Variants in EYS observed in about 807,000 individuals in gnomAD.
EYS encodes the protein EGF-like photoreceptor maintenance factor.
Under a neutral mutation model 282.1 loss-of-function variants are expected in EYS, and 250 were observed. The observed-to-expected ratio is 0.89, with a 90% CI of 0.80 to 0.98. The LOEUF is 0.98. EYS is among the 50% of genes least tolerant of loss of function. The probability of loss-of-function intolerance (pLI) is 0.00; values close to 1 mark genes in which losing one functional copy is unlikely to be tolerated. For synonymous variants in EYS, 1,355 were observed against 1,282.9 expected, an observed-to-expected ratio of 1.06 and a Z score of -1.20; for missense variants, 4,016 against 3,709.0, an observed-to-expected ratio of 1.08 and a Z score of -2.15.
At chr6:65,366,959 C>A (rs1258119221) in intron 8 of EYS, among the ~76,000 whole-genome samples, 1 of 151,592 alleles carries the variant, frequency 6.6e-6, no homozygotes, top group African/African-American at 2.4e-5. Context: ...TTAATAAGGA[C>A]CTCTGTGATT....
At chr6:65,537,523 C>CACAG (rs1768005785) in intron 2 of EYS, among the ~76,000 whole-genome samples, 1 of 126,728 alleles carries the variant, frequency 7.9e-6, no homozygotes, top group African/African-American at 3.2e-5. Context: ...AACATGCACA[C>CACAG]ACACACATAT....
chr6:64,932,130 G>A (rs191561519), intron 15 of EYS, among the ~76,000 whole-genome samples: 3 of 151,986 alleles, frequency 2.0e-5, no homozygotes, highest in Non-Finnish European at 2.9e-5. Flanking sequence ...AATCAGCTTC[G>A]TGGTTGTAAA....
chr6:65,456,776 C>T (rs887713070), intron 5 of EYS, among the ~76,000 whole-genome samples: 1 of 151,360 alleles, frequency 6.6e-6, no homozygotes, highest in Non-Finnish European at 1.5e-5. Flanking sequence ...CTAATTTCAC[C>T]ATTTCTATTC....
intron 34 of EYS, among the ~76,000 whole-genome samples, chr6:63,990,509 G>A (rs1767557570): frequency 6.6e-6 from 1 of 151,700 alleles, no homozygotes; most frequent in Non-Finnish European, 1.5e-5. Flanking sequence ...TCTTTGGGGA[G>A]CTGTTTGAGT....
At chr6:64,249,166 T>C (rs1259214182) in intron 30 of EYS, among the ~76,000 whole-genome samples, 1 of 151,748 alleles carries the variant, frequency 6.6e-6, no homozygotes, top group Non-Finnish European at 1.5e-5. Flanking sequence ...CATTAATAGA[T>C]TATTGGACAA....
intron 34 of EYS, among the ~76,000 whole-genome samples, chr6:63,989,020 A>C (rs1211514629): frequency 6.6e-6 from 1 of 151,600 alleles, no homozygotes; most frequent in Non-Finnish European, 1.5e-5. Context: ...AGTACTGCAT[A>C]TCTTTCTGTA....
chr6:64,782,484 C>T (rs1228202046), intron 22 of EYS, among the ~76,000 whole-genome samples: 2 of 152,180 alleles, frequency 1.3e-5, no homozygotes, highest in Non-Finnish European at 2.9e-5. Context: ...TAAGGACTGA[C>T]ACTAAAGTAA....
At chr6:65,194,231 G>T (rs1010813703) in intron 12 of EYS, among the ~76,000 whole-genome samples, 16 of 151,424 alleles carry the variant, frequency 1.1e-4, no homozygotes, top group Admixed American at 1.1e-3. Flanking sequence ...TTTTAAAAAA[G>T]AAAACAATCA....
At chr6:64,648,517 T>C (rs1219749984) in intron 22 of EYS, among the ~76,000 whole-genome samples, 1 of 152,158 alleles carries the variant, frequency 6.6e-6, no homozygotes, top group Non-Finnish European at 1.5e-5. Context: ...CACTACAATC[T>C]ATAGGTTAAA....
rs139265332 is a variant in EYS, at chr6:65,146,436, T to C, written c.2024-88709A>G. ...GTGAGAACAGGATGTGAATAAATCATGGAAATATTCTCATCATGGTTTCCT... is the reference window on the plus strand; with the variant it reads ...GTGAGAACAGGATGTGAATAAATCACGGAAATATTCTCATCATGGTTTCCT... On this transcript the variant is annotated intron_variant, in intron 12 of 42. Transcript: ENST00000503581. Among the ~76,000 whole-genome samples, 285 of 152,096 alleles carry C rather than the reference T, an allele frequency of 1.9e-3. 1 individual carries two copies. The highest frequency in any genetic ancestry group is 6.6e-3 in the African/African-American group (274 of 41,548).
intron 28 of EYS, among the ~76,000 whole-genome samples, chr6:64,399,842 C>T (rs1168899125): frequency 4.0e-5 from 6 of 151,842 alleles, no homozygotes; most frequent in Non-Finnish European, 7.4e-5. Context: ...TGTGTTAGTG[C>T]TGATGGAGTA....
chr6:65,488,009 T>G (rs577644643), intron 5 of EYS, among the ~76,000 whole-genome samples: 1 of 152,314 alleles, frequency 6.6e-6, no homozygotes, highest in Non-Finnish European at 1.5e-5. Flanking sequence ...TTCTGTGAGA[T>G]CGATGGTGAT....
chr6:65,619,104 A>G (rs371103373), intron 2 of EYS, among the ~76,000 whole-genome samples: 3 of 151,686 alleles, frequency 2.0e-5, no homozygotes, highest in Non-Finnish European at 2.9e-5. Flanking sequence ...GCATTGGTAG[A>G]TTGATTGGGA....
chr6:65,596,964 C>T (rs988938429), intron 2 of EYS, among the ~76,000 whole-genome samples: 2 of 151,990 alleles, frequency 1.3e-5, no homozygotes, highest in Non-Finnish European at 2.9e-5. Flanking sequence ...TGAGCTTCTG[C>T]TTTCAACAAA....
intron 41 of EYS, among the ~76,000 whole-genome samples, chr6:63,752,009 T>C (rs1769350280): frequency 6.6e-6 from 1 of 152,190 alleles, no homozygotes; most frequent in Non-Finnish European, 1.5e-5. Context: ...GCTACCAAAA[T>C]CTTCTAGGAT....
intron 30 of EYS, among the ~76,000 whole-genome samples, chr6:64,266,664 A>C (rs760275234): frequency 6.6e-6 from 1 of 152,166 alleles, no homozygotes; most frequent in Non-Finnish European, 1.5e-5. Context: ...GGTTAGATTT[A>C]TGGCAACCTC....
intron 5 of EYS, among the ~76,000 whole-genome samples, chr6:65,434,495 T>C (rs1768000748): frequency 6.6e-6 from 1 of 152,020 alleles, no homozygotes; most frequent in Non-Finnish European, 1.5e-5. Context: ...TAAATTTTTG[T>C]ATTTTTAGCA....
chr6:65,603,190 C>G (rs2149791013), intron 2 of EYS, among the ~76,000 whole-genome samples: 1 of 151,978 alleles, frequency 6.6e-6, no homozygotes, highest in African/African-American at 2.4e-5. Flanking sequence ...AGGCTCACAG[C>G]CCATCTGAAA....
chr6:65,299,438 C>G (rs1044909042), intron 11 of EYS, among the ~76,000 whole-genome samples: 3 of 151,958 alleles, frequency 2.0e-5, no homozygotes, highest in Non-Finnish European at 4.4e-5. Flanking sequence ...CAGTCTATTG[C>G]TTTCTAATGG....
Sources: allele counts gnomAD v4.1 joint callset (sites outside exome capture counted in the v4.1 genomes callset), GRCh38; gene constraint gnomAD v4.1.1; transcripts MANE v1.5; gene names NCBI Gene and HGNC (gene_info 2026-07-23, HGNC 2026-07-21).